Variants in OSBPL1A observed in about 807,000 individuals in gnomAD.
OSBPL1A encodes oxysterol binding protein like 1A, also known as oxysterol-binding protein-related protein 1.
Under a neutral mutation model 137.1 loss-of-function variants are expected in OSBPL1A, and 80 were observed. The ratio of observed to expected loss-of-function variants is 0.58; its 90% CI spans 0.49 to 0.70. The LOEUF is 0.70. Ranked by LOEUF, OSBPL1A falls within the 30% of genes least tolerant of loss-of-function variation. The pLI, the probability that OSBPL1A is intolerant of heterozygous loss-of-function variation, is 0.00. For missense variants in OSBPL1A, 970 were observed against 1,129.4 expected (o/e 0.86, Z 2.02); for synonymous variants, 365 against 389.7 (o/e 0.94, Z 0.75).
intron 15 of OSBPL1A, among the ~76,000 whole-genome samples, chr18:24,264,296 C>G (rs1220227869): frequency 1.3e-5 from 2 of 152,118 alleles, no homozygotes; most frequent in Non-Finnish European, 2.9e-5. Context: ...AAGAAACTCC[C>G]TCTTTGCCCT....
chr18:24,196,098 T>C (rs1433422206), intron 18 of OSBPL1A, 27 bp downstream of exon 18: 6 of 1,552,248 alleles, frequency 3.9e-6, no homozygotes, highest in South Asian at 3.4e-5. Context: ...ATCTGCTTAA[T>C]ATCATATGAC....
intron 7 of OSBPL1A, among the ~76,000 whole-genome samples, chr18:24,329,750 A>G (rs1028468963): frequency 2.6e-5 from 4 of 152,124 alleles, no homozygotes; most frequent in East Asian, 1.9e-4. Flanking sequence ...CATATAGTTA[A>G]TATTCACCTT....
intron 3 of OSBPL1A, 151 bp from the exon 4 acceptor site, chr18:24,367,117 G>T: frequency 1.5e-6 from 1 of 658,650 alleles, no homozygotes; most frequent in Non-Finnish European, 2.3e-6. Context: ...ACAATAAAAA[G>T]CCAGCACGGT....
chr18:24,317,906 T>G (rs1240625530), intron 9 of OSBPL1A, among the ~76,000 whole-genome samples: 1 of 152,218 alleles, frequency 6.6e-6, no homozygotes, highest in Non-Finnish European at 1.5e-5. Context: ...ATTTTATATA[T>G]GTACCATGTG....
chr18:24,197,988 A>G (rs1424375164), intron 17 of OSBPL1A, among the ~76,000 whole-genome samples: 1 of 151,940 alleles, frequency 6.6e-6, no homozygotes, highest in Admixed American at 6.6e-5. Context: ...GGGTTTCACC[A>G]TGTTGGCCAG....
At chr18:24,361,794 G>C in intron 4 of OSBPL1A, among the ~76,000 whole-genome samples, 1 of 152,120 alleles carries the variant, frequency 6.6e-6, no homozygotes, top group East Asian at 1.9e-4. Context: ...CTTGAGGTCA[G>C]GAGTTTGAGA....
chr18:24,325,090 C>CA (rs2090949054), intron 7 of OSBPL1A, among the ~76,000 whole-genome samples: 2 of 136,308 alleles, frequency 1.5e-5, no homozygotes, highest in South Asian at 2.3e-4. Context: ...AGTATCGAAA[C>CA]AAAAAAAAGA....
At chr18:24,178,225 A>G in intron 20 of OSBPL1A, 30 bp from the exon 21 acceptor site, 2 of 1,498,298 alleles carry the variant, frequency 1.3e-6, no homozygotes, top group Non-Finnish European at 1.8e-6. Flanking sequence ...AAAAAAGAAA[A>G]AAAAAAGCAA....
rs186649026 is a variant in OSBPL1A, at chr18:24,230,784, T to C, written c.1445-5586A>G. On this transcript the variant is annotated intron_variant, in intron 16 of 27. Transcript: ENST00000319481. ...CCTGAAAAACAGCATAAAAGATTTATGAAATAGCCCTACATTATTTACTGA... is the reference window on the plus strand; with the variant it reads ...CCTGAAAAACAGCATAAAAGATTTACGAAATAGCCCTACATTATTTACTGA... Among the ~76,000 whole-genome samples, 18 of 152,348 alleles carry C rather than the reference T, an allele frequency of 1.2e-4. No homozygotes were observed. The East Asian group carries it at 3.3e-3, about 28-fold the overall frequency.
In OSBPL1A at chr18:24,377,452, T is replaced by A; in HGVS notation, c.82A>T (p.Met28Leu). 6.2e-7 allele frequency: 1 copy of A among 1,611,050 alleles called. No individual in the cohort carries two copies. ...TCAGCAATCACTTCATTCCTCGCCA[T>A]GGTCTCTAATAGTTGTCTTACTTCT... ...AEEVRQLLET[M>L]ARNEVIADIN... The change falls in exon 2 of 28, where the codon ATG (methionine) becomes TTG (leucine). Residue 28 changes from methionine (M) to leucine (L), a missense_variant. Physicochemically the swap from Met to Leu is conservative, Grantham distance 15 (BLOSUM62 2). Coordinates refer to ENST00000319481, the MANE Select transcript of OSBPL1A (RefSeq NM_080597.4).
chr18:24,202,737 T>C (rs1288140745), intron 17 of OSBPL1A, among the ~76,000 whole-genome samples: 2 of 152,244 alleles, frequency 1.3e-5, no homozygotes, highest in South Asian at 2.1e-4. Context: ...CAACATTTGG[T>C]ATTTTTCCAA....
chr18:24,299,399 C>T (rs180875709), intron 14 of OSBPL1A, among the ~76,000 whole-genome samples: 11 of 152,154 alleles, frequency 7.2e-5, no homozygotes, highest in Admixed American at 6.6e-4. Flanking sequence ...TTTAGAACTC[C>T]TTTTGGCATT....
At chr18:24,326,478 T>C (rs1169984563) in intron 7 of OSBPL1A, among the ~76,000 whole-genome samples, 2 of 152,200 alleles carry the variant, frequency 1.3e-5, no homozygotes, top group African/African-American at 4.8e-5. Flanking sequence ...ACACATTATC[T>C]CCCACTGAAA....
intron 18 of OSBPL1A, among the ~76,000 whole-genome samples, chr18:24,194,205 T>C (rs147359921): frequency 2.2e-4 from 34 of 152,350 alleles, no homozygotes; most frequent in African/African-American, 7.7e-4. Context: ...ACAAACTCCT[T>C]TGACCAAATA....
At chr18:24,388,800 C>CAAAA (rs57143270) in intron 1 of OSBPL1A, among the ~76,000 whole-genome samples, 13 of 82,816 alleles carry the variant, frequency 1.6e-4, no homozygotes, top group East Asian at 1.0e-3. Context: ...GACTCTGTCT[C>CAAAA]AAAAAAAAAA....
chr18:24,220,784 C>T (rs878910281), intron 17 of OSBPL1A, among the ~76,000 whole-genome samples: 1 of 151,902 alleles, frequency 6.6e-6, no homozygotes, highest in East Asian at 1.9e-4. Context: ...TCATCTATCC[C>T]GTATCTTTAG....
At chr18:24,196,929 T>G (rs2087050631) in intron 17 of OSBPL1A, among the ~76,000 whole-genome samples, 1 of 152,096 alleles carries the variant, frequency 6.6e-6, no homozygotes, top group South Asian at 2.1e-4. Context: ...AAGCAGCACA[T>G]CAGAGTCAGG....
At chr18:24,164,974 C>G in intron 27 of OSBPL1A, 91 bp downstream of exon 27, 1 of 1,316,898 alleles carries the variant, frequency 7.6e-7, no homozygotes, top group Non-Finnish European at 1.1e-6. Flanking sequence ...TAGGCCCTTG[C>G]TCTGGGGTCA....
chr18:24,284,386 T>C (rs936665984), intron 14 of OSBPL1A, among the ~76,000 whole-genome samples: 5 of 152,212 alleles, frequency 3.3e-5, no homozygotes, highest in Non-Finnish European at 7.3e-5. Context: ...CTGATGCTGT[T>C]GATTTTCAGG....
Sources: gnomAD v4.1 joint callset for allele counts (sites outside exome capture counted in the v4.1 genomes callset) on GRCh38, gnomAD v4.1.1 for gene constraint, MANE v1.5 for transcripts, NCBI Gene and HGNC (gene_info 2026-07-23, HGNC 2026-07-21) for gene names.